Variants in LEMD3 observed in about 807,000 individuals in gnomAD.
LEMD3 encodes LEM domain containing 3.
LEMD3 carries 33 observed loss-of-function variants against 95.2 expected under a neutral mutation model. That is an observed-to-expected ratio of 0.35 (90% CI 0.26 to 0.46). The LOEUF is 0.46. LEMD3 is among the 20% of genes least tolerant of loss of function. LEMD3 has a pLI of 1.00. For missense variants in LEMD3, 1,210 were observed against 1,192.8 expected, an observed-to-expected ratio of 1.01 and a Z score of -0.21; for synonymous variants, 525 against 474.6, an observed-to-expected ratio of 1.11 and a Z score of -1.38.
chr12:65,190,383 A>G (rs1202393811), intron 1 of LEMD3, among the ~76,000 whole-genome samples: 2 of 152,084 alleles, frequency 1.3e-5, no homozygotes, highest in African/African-American at 2.4e-5. Context: ...TCTAGTATTA[A>G]TGTCAACACA....
At chr12:65,176,131 A>C (rs1234191380) in intron 1 of LEMD3, among the ~76,000 whole-genome samples, 3 of 152,212 alleles carry the variant, frequency 2.0e-5, no homozygotes, top group Non-Finnish European at 4.4e-5. Flanking sequence ...TAGCTCTTCC[A>C]GTCCATTTGT....
chr12:65,220,438 T>G lies in LEMD3; in HGVS notation c.1695+1819T>G, dbSNP rs185470018. On this transcript the variant is annotated intron_variant, in intron 4 of 12. Transcript: ENST00000308330. ...GGTTATTTATTTTGTTATTGAATTG[T>G]GGGGGTTTCTTATGCATTTTGCATA... is the stretch of plus-strand genomic sequence containing the variant. Among the ~76,000 whole-genome samples the G allele has an allele frequency of 1.2e-4, 19 of 152,364 alleles. No homozygotes were observed. In the East Asian group the frequency reaches 3.7e-3, roughly 29 times the overall value.
chr12:65,213,516 C>T (rs1870008297), intron 2 of LEMD3, among the ~76,000 whole-genome samples: 1 of 152,176 alleles, frequency 6.6e-6, no homozygotes, highest in Non-Finnish European at 1.5e-5. Flanking sequence ...TGAGCCACCG[C>T]ACCCGGCCTT....
chr12:65,245,982 T>C (rs1871094116), intron 12 of LEMD3, 43 bp downstream of exon 12: 1 of 1,470,568 alleles, frequency 6.8e-7, no homozygotes, highest in Admixed American at 1.7e-5. Flanking sequence ...AAGATAGTTA[T>C]AGTTTAATTT....
In LEMD3 at chr12:65,169,586, C is replaced by T. The variant is rs560983978; in HGVS notation, c.-11C>T. The stretch of plus-strand genomic sequence containing the variant: ...GGTAGCGCGGAGCTTGTAAAACACC[C>T]TGGAGAGAAAATGGCGGCGGCAGCA... On this transcript the variant is annotated 5_prime_UTR_variant, in exon 1 of 13. Coordinates refer to ENST00000308330, the MANE Select transcript of LEMD3 (RefSeq NM_014319.5). 16 of 1,586,954 alleles carry T rather than the reference C, an allele frequency of 1.0e-5. No individual in the cohort carries two copies. Among genetic ancestry groups the T allele is most frequent in the Non-Finnish European group, 1.3e-5 (15 of 1,168,438 alleles).
At chr12:65,228,760 C>T (rs1870535171) in intron 4 of LEMD3, among the ~76,000 whole-genome samples, 1 of 152,154 alleles carries the variant, frequency 6.6e-6, no homozygotes, top group Non-Finnish European at 1.5e-5. Context: ...TATTTTGATA[C>T]ATGTATACAA....
rs67734569 is a variant in LEMD3, at chr12:65,228,401, TA to T, written c.1695+9783del. 8.0e-3 allele frequency among the ~76,000 whole-genome samples: 1,188 copies of T among 148,338 alleles called. 16 individuals carry two copies. The highest frequency in any genetic ancestry group is 0.012 in the Non-Finnish European group (811 of 66,744). On this transcript the variant is annotated intron_variant, in intron 4 of 12. Coordinates refer to ENST00000308330, the MANE Select transcript of LEMD3 (RefSeq NM_014319.5). ...TATTGTTATTATTTATTTATTTATT[TA>T]TTTTTTTTTTTGAGGTGGAGTCTTG...
intron 2 of LEMD3, among the ~76,000 whole-genome samples, 173 bp from the exon 3 acceptor site, chr12:65,215,804 T>C (rs1202409454): frequency 6.6e-6 from 1 of 152,082 alleles, no homozygotes; most frequent in Non-Finnish European, 1.5e-5. Context: ...ATTTAGAGTC[T>C]TAGATTAAGG....
chr12:65,234,817 A>AT (rs1304093253), intron 4 of LEMD3, among the ~76,000 whole-genome samples: 3 of 152,124 alleles, frequency 2.0e-5, no homozygotes, highest in Admixed American at 6.5e-5. Flanking sequence ...CATTGTGTAC[A>AT]TTTTTTAAGG....
At chr12:65,216,899 T>C (rs190004244) in intron 3 of LEMD3, among the ~76,000 whole-genome samples, 1 of 152,306 alleles carries the variant, frequency 6.6e-6, no homozygotes, top group Admixed American at 6.5e-5. Flanking sequence ...TAATTCTGTA[T>C]TATATCGCTA....
intron 1 of LEMD3, chr12:65,171,823 T>C (rs1180271938): frequency 6.6e-6 from 1 of 151,920 alleles, no homozygotes; most frequent in East Asian, 2.0e-4. Flanking sequence ...ATTGTCATAA[T>C]CAAAGTATCT....
chr12:65,232,124 A>C (rs959351205), intron 4 of LEMD3, among the ~76,000 whole-genome samples: 5 of 152,166 alleles, frequency 3.3e-5, no homozygotes, highest in African/African-American at 1.2e-4. Flanking sequence ...TTGCTATATT[A>C]ATTCCCAATT....
At chr12:65,211,870 CTG>C (rs1249871035) in intron 2 of LEMD3, among the ~76,000 whole-genome samples, 2 of 152,084 alleles carry the variant, frequency 1.3e-5, no homozygotes, top group Admixed American at 1.3e-4. Context: ...AAGGAAGAAA[CTG>C]AAATTCTGAA....
rs552921417 is a variant in LEMD3, at chr12:65,208,221, A to T, written c.1523-2705A>T. ...TAAAGTATTGAAGAAGAAATGTCCA[A>T]AAAAGCAATAGTGAGAGGCTGTTGG... On this transcript the variant is annotated intron_variant, in intron 1 of 12. Transcript: ENST00000308330. Among the ~76,000 whole-genome samples the T allele has an allele frequency of 4.8e-4, 73 of 152,272 alleles. No individual in the cohort carries two copies. In the South Asian group the frequency reaches 0.015, roughly 32 times the overall value.
chr12:65,191,485 A>G (rs551913209), intron 1 of LEMD3, among the ~76,000 whole-genome samples: 8 of 152,328 alleles, frequency 5.3e-5, no homozygotes, highest in African/African-American at 1.9e-4. Context: ...AGGAAAGTTA[A>G]ACATCATTGC....
chr12:65,243,044 C>G (rs1870982765), intron 9 of LEMD3, among the ~76,000 whole-genome samples: 1 of 152,148 alleles, frequency 6.6e-6, no homozygotes, highest in Non-Finnish European at 1.5e-5. Context: ...TCTCTTCACC[C>G]TGCTAATTTT....
chr12:65,214,525 C>T (rs1465962926), intron 2 of LEMD3, among the ~76,000 whole-genome samples: 1 of 152,082 alleles, frequency 6.6e-6, no homozygotes, highest in Non-Finnish European at 1.5e-5. Context: ...ATGAGTTTTC[C>T]TCTTAGTATA....
chr12:65,172,696 C>G (rs544003098), intron 1 of LEMD3, among the ~76,000 whole-genome samples: 1 of 151,670 alleles, frequency 6.6e-6, no homozygotes, highest in East Asian at 1.9e-4. Flanking sequence ...GCATCTGTGT[C>G]TCTAACAACT....
chr12:65,223,299 A>AT (rs35145654), intron 4 of LEMD3, among the ~76,000 whole-genome samples: 4,325 of 118,626 alleles, frequency 0.036, 125 homozygotes, highest in Non-Finnish European at 0.049. Context: ...TCATGTGATG[A>AT]TTTTTTTTTT....
Sources: gnomAD v4.1 joint callset for allele counts (sites outside exome capture counted in the v4.1 genomes callset) on GRCh38, gnomAD v4.1.1 for gene constraint, MANE v1.5 for transcripts, NCBI Gene and HGNC (gene_info 2026-07-23, HGNC 2026-07-21) for gene names.